The following LDB2 variants were observed in gnomAD, a reference collection of about 807,000 sequenced individuals.
LDB2 encodes the protein LIM domain-binding protein 2.
Under a neutral mutation model 44.3 loss-of-function variants are expected in LDB2, and 12 were observed. The ratio of observed to expected loss-of-function variants is 0.27; its 90% CI spans 0.17 to 0.44. The LOEUF is 0.44. Ranked by LOEUF, LDB2 falls within the 20% of genes least tolerant of loss-of-function variation. LDB2 has a pLI of 1.00. For missense variants in LDB2, 344 were observed against 473.5 expected (o/e 0.73, Z 2.54); for synonymous variants, 164 against 174.8 (o/e 0.94, Z 0.49).
intron 1 of LDB2, among the ~76,000 whole-genome samples, chr4:16,785,043 A>G (rs1774111858): frequency 6.6e-6 from 1 of 151,828 alleles, no homozygotes; most frequent in Non-Finnish European, 1.5e-5. Context: ...CATGCTTATA[A>G]TAGTAAACGA....
chr4:16,694,936 C>T (rs996877138), intron 2 of LDB2, among the ~76,000 whole-genome samples: 2 of 152,160 alleles, frequency 1.3e-5, no homozygotes, highest in Admixed American at 6.5e-5. Context: ...GGCATCTTGG[C>T]CCCAGTTTGC....
At chr4:16,835,793 G>A (rs1423077364) in intron 1 of LDB2, among the ~76,000 whole-genome samples, 2 of 152,172 alleles carry the variant, frequency 1.3e-5, no homozygotes, top group African/African-American at 4.8e-5. Flanking sequence ...TTAGCCATTT[G>A]ATAGGTGTGA....
chr4:16,541,144 C>A (rs911894727), intron 5 of LDB2, among the ~76,000 whole-genome samples: 3 of 152,096 alleles, frequency 2.0e-5, no homozygotes, highest in African/African-American at 7.2e-5. Context: ...TATGTCCCCA[C>A]CAAATCTCAT....
intron 1 of LDB2, among the ~76,000 whole-genome samples, chr4:16,797,313 T>C (rs962056154): frequency 6.6e-6 from 1 of 152,198 alleles, no homozygotes; most frequent in African/African-American, 2.4e-5. Context: ...AATGTATTAA[T>C]ATTGGTTCAT....
intron 1 of LDB2, among the ~76,000 whole-genome samples, chr4:16,768,449 G>C (rs534582184): frequency 1.3e-5 from 2 of 152,178 alleles, no homozygotes; most frequent in African/African-American, 4.8e-5. Context: ...ACTGAAGAAA[G>C]GATAAATTTG....
At chr4:16,779,342 A>G (rs994425679) in intron 1 of LDB2, among the ~76,000 whole-genome samples, 2 of 152,062 alleles carry the variant, frequency 1.3e-5, no homozygotes, top group Non-Finnish European at 2.9e-5. Context: ...GTCATCTAAA[A>G]CCTTTTATGG....
chr4:16,550,006 T>C (rs58908116), intron 5 of LDB2, among the ~76,000 whole-genome samples: 15,988 of 152,236 alleles, frequency 0.11, 1,383 homozygotes, highest in East Asian at 0.48. Flanking sequence ...AATCTGTATT[T>C]ACAGGACTTT....
chr4:16,604,435 A>T (rs903500656), intron 2 of LDB2, among the ~76,000 whole-genome samples: 1 of 151,224 alleles, frequency 6.6e-6, no homozygotes, highest in Non-Finnish European at 1.5e-5. Context: ...TCCTATATAT[A>T]GTCCTGTTCT....
intron 1 of LDB2, among the ~76,000 whole-genome samples, chr4:16,891,304 C>CTTTTTT (rs559119712): frequency 3.9e-5 from 3 of 77,548 alleles, no homozygotes; most frequent in Non-Finnish European, 7.3e-5. Context: ...CTTAAGTATT[C>CTTTTTT]TTTTTTTTTT....
At chr4:16,581,937 A>G (rs1156252896) in intron 5 of LDB2, among the ~76,000 whole-genome samples, 1 of 151,160 alleles carries the variant, frequency 6.6e-6, no homozygotes, top group African/African-American at 2.5e-5. Flanking sequence ...AGAAAGAAAG[A>G]AAGGAAGGGA....
intron 1 of LDB2, among the ~76,000 whole-genome samples, chr4:16,798,922 C>T (rs1376702172): frequency 6.6e-6 from 1 of 152,158 alleles, no homozygotes; most frequent in Non-Finnish European, 1.5e-5. Flanking sequence ...GCGATCTTGG[C>T]TCACTGCAAA....
intron 5 of LDB2, among the ~76,000 whole-genome samples, chr4:16,540,850 CTTT>C (rs1478206066): frequency 1.3e-5 from 2 of 152,072 alleles, no homozygotes; most frequent in African/African-American, 2.4e-5. Flanking sequence ...TCTTTGACAA[CTTT>C]TTTATCTTTA....
intron 2 of LDB2, among the ~76,000 whole-genome samples, chr4:16,744,630 A>G (rs557047557): frequency 6.6e-6 from 1 of 152,110 alleles, no homozygotes; most frequent in Non-Finnish European, 1.5e-5. Flanking sequence ...GCCCGCCACC[A>G]TGCCCAGCTA....
At chr4:16,733,384 G>A (rs1372415696) in intron 2 of LDB2, among the ~76,000 whole-genome samples, 1 of 152,008 alleles carries the variant, frequency 6.6e-6, no homozygotes, top group African/African-American at 2.4e-5. Flanking sequence ...GGCTCTTGAG[G>A]GCTAGTATCC....
chr4:16,554,985 T>C (rs1454749442), intron 5 of LDB2, among the ~76,000 whole-genome samples: 3 of 152,202 alleles, frequency 2.0e-5, no homozygotes, highest in African/African-American at 7.2e-5. Context: ...TGGTGGGGGA[T>C]GCTGATAGGG....
At chr4:16,700,601 G>A (rs564967950) in intron 2 of LDB2, among the ~76,000 whole-genome samples, 2 of 152,234 alleles carry the variant, frequency 1.3e-5, no homozygotes, top group East Asian at 3.9e-4. Context: ...GCAAAGCTGG[G>A]CTTGAATTGA....
chr4:16,793,201 C>T (rs139709572), intron 1 of LDB2, among the ~76,000 whole-genome samples: 59 of 152,294 alleles, frequency 3.9e-4, no homozygotes, highest in Non-Finnish European at 8.4e-4. Context: ...TTGGTATACG[C>T]GTTGCCTTTA....
chr4:16,846,235 A>G (rs1415631706), intron 1 of LDB2, among the ~76,000 whole-genome samples: 2 of 152,208 alleles, frequency 1.3e-5, no homozygotes. Context: ...CATTCTTAAC[A>G]TGTTTTTACA....
chr4:16,673,177 C>A (rs756954106), intron 2 of LDB2, among the ~76,000 whole-genome samples: 1 of 152,064 alleles, frequency 6.6e-6, no homozygotes, highest in Non-Finnish European at 1.5e-5. Flanking sequence ...ATCCACTTCA[C>A]AAGAGATATC....
Sources: allele counts gnomAD v4.1 joint callset (sites outside exome capture counted in the v4.1 genomes callset), GRCh38; gene constraint gnomAD v4.1.1; transcripts MANE v1.5; gene names NCBI Gene and HGNC (gene_info 2026-07-23, HGNC 2026-07-21).